Variants in BSN observed in about 807,000 individuals in gnomAD.
BSN encodes the protein bassoon presynaptic cytomatrix protein, also known as protein bassoon.
A neutral mutation model predicts 264.8 loss-of-function variants in BSN; 57 were observed. That is an observed-to-expected ratio of 0.22 (90% CI 0.17 to 0.27). The LOEUF (loss-of-function observed/expected upper bound fraction) is 0.27. Ranked by LOEUF, BSN falls within the 10% of genes least tolerant of loss-of-function variation. The pLI, the probability that BSN is intolerant of heterozygous loss-of-function variation, is 1.00. For missense variants in BSN, 4,615 were observed against 5,232.5 expected (o/e 0.88, Z 3.64); for synonymous variants, 2,059 against 2,137.3 (o/e 0.96, Z 1.01).
chr3:49,616,640 G>T (rs780227907), intron 1 of BSN, among the ~76,000 whole-genome samples: 3 of 152,184 alleles, frequency 2.0e-5, no homozygotes, highest in Non-Finnish European at 2.9e-5. Context: ...TCCCTCTGGC[G>T]CCTGCACTGG....
At chr3:49,624,009 C>CT (rs1019464392) in intron 1 of BSN, among the ~76,000 whole-genome samples, 4 of 151,446 alleles carry the variant, frequency 2.6e-5, no homozygotes, top group African/African-American at 4.8e-5. Flanking sequence ...TCTTTCTTTT[C>CT]TTTTTTTTTG....
chr3:49,580,879 C>A (rs2051890979), intron 1 of BSN, among the ~76,000 whole-genome samples: 1 of 152,160 alleles, frequency 6.6e-6, no homozygotes, highest in Non-Finnish European at 1.5e-5. Flanking sequence ...TCATGTTGTG[C>A]AACCATCACC....
chr3:49,575,056 T>C (rs1009543666), intron 1 of BSN, among the ~76,000 whole-genome samples: 7 of 152,120 alleles, frequency 4.6e-5, no homozygotes, highest in Non-Finnish European at 1.5e-5. Flanking sequence ...TAAAAAATTA[T>C]ACAAGTAAGG....
chr3:49,564,367 A>C (rs2051737449), intron 1 of BSN, among the ~76,000 whole-genome samples: 1 of 152,186 alleles, frequency 6.6e-6, no homozygotes, highest in African/African-American at 2.4e-5. Flanking sequence ...CCCAAGTGTG[A>C]ATCTGTGGAG....
Position 49,642,450 on chromosome 3 carries a change from A to G in BSN, c.816A>G (p.Pro272=). 6.3e-7 allele frequency: 1 copy of G among 1,594,208 alleles called. No homozygotes were observed. Among genetic ancestry groups the G allele is most frequent in the South Asian group, 1.1e-5 (1 of 88,310 alleles). Reference sequence around the variant, plus strand: ...AGAGATCTCGGGGCCCAGGAGGACCACAGCCTGGGTCCCGCCAGGCTGAGA... The same window carrying G: ...AGAGATCTCGGGGCCCAGGAGGACCGCAGCCTGGGTCCCGCCAGGCTGAGA... ...DQERSRGPGG[P]QPGSRQAETA... Residue 272 remains proline (P), a synonymous_variant, in exon 3 of 12, where the codon CCA becomes CCG. Coordinates refer to ENST00000296452, the MANE Select transcript of BSN (RefSeq NM_003458.4). The surrounding 1 kb of genome is among the most constrained non-coding windows in gnomAD (Gnocchi z 7.0).
Position 49,661,624 on chromosome 3 carries a change from G to A in BSN, c.9779G>A (p.Gly3260Asp), listed in dbSNP as rs993372789. The change falls in exon 6 of 12, where the codon GGC becomes GAC. Residue 3260 changes from glycine to aspartate, a missense_variant. Transcript: ENST00000296452. ...CAACGGCTGGAGCCCCTGGGGCCAG[G>A]CAGCAGTGGGCGTCCAGGGAAGGAG... ...DSQRLEPLGP[G>D]SSGRPGKEPG... is the part of the protein sequence containing the mutation. The A allele has an allele frequency of 6.2e-7, 1 of 1,613,528 alleles. No homozygotes were observed.
intron 1 of BSN, among the ~76,000 whole-genome samples, chr3:49,596,443 T>TA (rs2052023459): frequency 1.3e-5 from 2 of 152,316 alleles, no homozygotes; most frequent in African/African-American, 4.8e-5. Context: ...AGTTTTTTTG[T>TA]ATGTGCTCTT....
chr3:49,571,415 TC>T (rs2051794076), intron 1 of BSN, among the ~76,000 whole-genome samples: 1 of 152,004 alleles, frequency 6.6e-6, no homozygotes, highest in South Asian at 2.1e-4. Context: ...ATGGCATACT[TC>T]CTGCCCCTGT....
Position 49,621,607 on chromosome 3 carries a change from T to C in BSN, c.225-3368T>C, listed in dbSNP as rs544865477. ...TCGGATTTGATGATGTGGAGGTCCC[T>C]ACTGACTGTGACCTGAGTAATGTCT... On this transcript the variant is annotated intron_variant, in intron 1 of 11. Transcript: ENST00000296452. Among the ~76,000 whole-genome samples, 50 of 152,274 alleles carry C rather than the reference T, an allele frequency of 3.3e-4. No homozygotes were observed. In the Middle Eastern group the frequency reaches 0.01, roughly 31 times the overall value.
Position 49,554,759 on chromosome 3 carries a change from C to A in BSN, c.157C>A (p.Arg53=). ...ACAGCTCCCCGCGGCGGGAGCAGCG[C>A]GGTCGACCGCGGTACCACCGGTCCC... is the stretch of plus-strand genomic sequence containing the variant. ...GGQLPAAGAA[R]STAVPPVPGP... is the part of the protein sequence containing the mutation. The change falls in exon 1 of 12, where the codon CGG becomes AGG. Residue 53 remains arginine (R), a synonymous_variant. Coordinates refer to ENST00000296452, the MANE Select transcript of BSN (RefSeq NM_003458.4). 8.1e-7 allele frequency: 1 copy of A among 1,228,190 alleles called. No individual in the cohort carries two copies. The highest frequency in any genetic ancestry group is 3.7e-5 in the South Asian group (1 of 26,682). The allele number at this position is 1,228,190 out of a possible 1,614,324, so 76.1% of individuals were successfully genotyped here.
chr3:49,673,116 A>C (rs1439932628), downstream of BSN, among the ~76,000 whole-genome samples: 2 of 20,308 alleles, frequency 9.8e-5, no homozygotes, highest in Non-Finnish European at 1.0e-4. Flanking sequence ...TTTTTTTTTT[A>C]CTTAACTAGT....
In BSN at chr3:49,654,938, C is replaced by G; in HGVS notation, c.5382C>G (p.Pro1794=). Residue 1794 remains proline (P), a synonymous_variant, in exon 5 of 12, where the codon CCC becomes CCG. Transcript: ENST00000296452. This position sits in a 1 kb window ranked among gnomAD's most constrained non-coding sequence, Gnocchi z 4.1. ...ACCGAAGTGGGCCCCGGGGAAGACC[C>G]AGGGAGGCCAAGTTTGCCAGATATA... ...APYRSGPRGR[P]REAKFARYNL... 1 of 1,611,712 alleles carries G rather than the reference C, an allele frequency of 6.2e-7. No individual in the cohort carries two copies. The highest frequency in any genetic ancestry group is 8.5e-7 in the Non-Finnish European group (1 of 1,178,788).
rs761679062 is a variant in BSN at position 49,657,332 on chromosome 3, G to T, written c.7776G>T (p.Gly2592=). The T allele has an allele frequency of 1.2e-5, 19 of 1,613,380 alleles. No homozygotes were observed. Among genetic ancestry groups the T allele is most frequent in the Non-Finnish European group, 1.4e-5 (17 of 1,180,028 alleles). ...DSSVQTDDED[G]ESRYLLSRRR... Reference sequence around the variant, plus strand: ...GCGTGCAGACAGACGATGAGGATGGGGAGAGCCGCTACCTCTTGAGTCGGC... The same window carrying T: ...GCGTGCAGACAGACGATGAGGATGGTGAGAGCCGCTACCTCTTGAGTCGGC... Residue 2592 remains glycine, a synonymous_variant, in exon 5 of 12, where the codon GGG becomes GGT. Transcript: ENST00000296452.
At chr3:49,596,938 G>A (rs879292784) in intron 1 of BSN, among the ~76,000 whole-genome samples, 5 of 152,002 alleles carry the variant, frequency 3.3e-5, no homozygotes, top group East Asian at 1.9e-4. Context: ...TCGTTGATGC[G>A]GTGGTTTACA....
At chr3:49,617,317 AT>A (rs1271287850) in intron 1 of BSN, among the ~76,000 whole-genome samples, 3 of 128,002 alleles carry the variant, frequency 2.3e-5, no homozygotes, top group African/African-American at 5.8e-5. Context: ...ATATATATAT[AT>A]AATTTTATAA....
intron 1 of BSN, among the ~76,000 whole-genome samples, chr3:49,557,844 C>T (rs1285537684): frequency 3.9e-5 from 6 of 152,130 alleles, no homozygotes; most frequent in African/African-American, 7.2e-5. Context: ...GGATTACAGG[C>T]GGGAGCCACT....
Position 49,653,156 on chromosome 3 carries a change from G to T in BSN, c.3600G>T (p.Arg1200Ser), listed in dbSNP as rs1445199737. 1 of 1,612,740 alleles carries T rather than the reference G, an allele frequency of 6.2e-7. No individual in the cohort carries two copies. The highest frequency in any genetic ancestry group is 1.7e-5 in the Admixed American group (1 of 59,922). Residue 1200 changes from arginine (R) to serine (S), a missense_variant, in exon 5 of 12, where the codon AGG (arginine) becomes AGT (serine). Arg to Ser is a moderately radical substitution (Grantham distance 110). Transcript: ENST00000296452. This position sits in a 1 kb window ranked among gnomAD's most constrained non-coding sequence, Gnocchi z 6.3. ...EMMRKAELLQ[R>S]QQGQAAGARG... is the part of the protein sequence containing the mutation. ...TGCGCAAAGCTGAGCTGCTCCAGAGGCAGCAAGGCCAGGCAGCAGGGGCCC... is the reference window on the plus strand; with the variant it reads ...TGCGCAAAGCTGAGCTGCTCCAGAGTCAGCAAGGCCAGGCAGCAGGGGCCC...
At chr3:49,574,544 C>G (rs2051826111) in intron 1 of BSN, among the ~76,000 whole-genome samples, 1 of 150,434 alleles carries the variant, frequency 6.6e-6, no homozygotes, top group Non-Finnish European at 1.5e-5. Context: ...AGCGAGTCTC[C>G]TGCCTCAGCC....
Position 49,663,252 on chromosome 3 carries a change from G to T in BSN, c.11094G>T (p.Gly3698=), listed in dbSNP as rs764691704. 2.5e-6 allele frequency: 4 copies of T among 1,614,016 alleles called. No individual in the cohort carries two copies. Among genetic ancestry groups the T allele is most frequent in the South Asian group, 2.2e-5 (2 of 91,096 alleles). Residue 3698 remains glycine (G), a synonymous_variant, in exon 7 of 12, where the codon GGG becomes GGT. Coordinates refer to ENST00000296452, the MANE Select transcript of BSN (RefSeq NM_003458.4). ...APAMPKKGQP[G]YPSSAEYSQP... is the part of the protein sequence containing the mutation. The stretch of plus-strand genomic sequence containing the variant: ...CTATGCCGAAGAAGGGTCAGCCTGG[G>T]TATCCCAGCTCTGCTGAGTACTCAC...
Sources: allele counts gnomAD v4.1 joint callset (sites outside exome capture counted in the v4.1 genomes callset), GRCh38; gene constraint gnomAD v4.1.1; non-coding constraint Gnocchi (gnomAD v3.1); transcripts MANE v1.5; gene names NCBI Gene and HGNC (gene_info 2026-07-23, HGNC 2026-07-21).